NTNG1: variants seen among roughly 807,000 people sequenced by gnomAD.
The protein encoded by NTNG1 is netrin G1, also known as netrin-G1.
In NTNG1, 16 loss-of-function variants were observed where a neutral mutation model predicts 54.0. That is an observed-to-expected ratio of 0.30 (90% CI 0.20 to 0.45). NTNG1 has a LOEUF of 0.45. Among genes scored for constraint, NTNG1 ranks in the 20% least tolerant of loss-of-function variants. The pLI is 1.00. For missense variants in NTNG1, 530 were observed against 678.7 expected, an observed-to-expected ratio of 0.78 and a Z score of 2.43; for synonymous variants, 255 against 263.1, an observed-to-expected ratio of 0.97 and a Z score of 0.30.
At chr1:107,321,388 G>A (rs1023120313) in intron 2 of NTNG1, among the ~76,000 whole-genome samples, 16 of 152,062 alleles carry the variant, frequency 1.1e-4, no homozygotes, top group Non-Finnish European at 1.5e-4. Context: ...TGATACAAAT[G>A]TAGACATTTG....
intron 6 of NTNG1, among the ~76,000 whole-genome samples, chr1:107,435,735 A>G (rs1213359568): frequency 6.6e-6 from 1 of 152,180 alleles, no homozygotes; most frequent in African/African-American, 2.4e-5. Flanking sequence ...TAAATAATGG[A>G]AACTGAGAGG....
chr1:107,471,221 T>TC (rs1677957487), intron 7 of NTNG1, among the ~76,000 whole-genome samples: 1 of 152,184 alleles, frequency 6.6e-6, no homozygotes, highest in Non-Finnish European at 1.5e-5. Flanking sequence ...GCCAACAGCT[T>TC]CCACATTGTT....
intron 3 of NTNG1, among the ~76,000 whole-genome samples, chr1:107,364,088 T>C (rs145002831): frequency 1.1e-4 from 17 of 152,202 alleles, no homozygotes; most frequent in Non-Finnish European, 2.2e-4. Context: ...CTTATTTTAT[T>C]GAAAATATGT....
intron 3 of NTNG1, among the ~76,000 whole-genome samples, chr1:107,326,671 A>G (rs1667972829): frequency 6.6e-6 from 1 of 152,052 alleles, no homozygotes; most frequent in East Asian, 1.9e-4. Context: ...CATCTAGGTC[A>G]ATTTCCTTGC....
chr1:107,206,506 T>C (rs1441671913), intron 2 of NTNG1, among the ~76,000 whole-genome samples: 2 of 152,156 alleles, frequency 1.3e-5, no homozygotes, highest in Non-Finnish European at 2.9e-5. Context: ...GCAGGGTTCT[T>C]ATCATTACCT....
intron 2 of NTNG1, among the ~76,000 whole-genome samples, chr1:107,242,314 A>G (rs1661889774): frequency 1.3e-5 from 2 of 152,182 alleles, no homozygotes; most frequent in South Asian, 2.1e-4. Flanking sequence ...AAAAAAAAGA[A>G]TATGTTTGAT....
chr1:107,371,176 G>T (rs1670901051), intron 3 of NTNG1, among the ~76,000 whole-genome samples: 1 of 152,012 alleles, frequency 6.6e-6, no homozygotes, highest in African/African-American at 2.4e-5. Flanking sequence ...AGAAATGGAT[G>T]TTGAGTTTTG....
At chr1:107,177,593 A>T (rs1403949097) in intron 2 of NTNG1, among the ~76,000 whole-genome samples, 1 of 152,122 alleles carries the variant, frequency 6.6e-6, no homozygotes, top group Non-Finnish European at 1.5e-5. Flanking sequence ...TCAGCCTCCC[A>T]AAGTGCTGGG....
intron 2 of NTNG1, among the ~76,000 whole-genome samples, chr1:107,304,710 C>G (rs1347223476): frequency 6.6e-6 from 1 of 151,640 alleles, no homozygotes; most frequent in Non-Finnish European, 1.5e-5. Context: ...CCATGAAAAA[C>G]ACAAGGCTCA....
chr1:107,151,413 T>G (rs552017176), intron 2 of NTNG1, among the ~76,000 whole-genome samples: 1 of 152,138 alleles, frequency 6.6e-6, no homozygotes, highest in Non-Finnish European at 1.5e-5. Flanking sequence ...GACTTATGCG[T>G]TCTCCCCTCC....
intron 3 of NTNG1, among the ~76,000 whole-genome samples, chr1:107,380,094 G>T (rs1671551380): frequency 6.6e-6 from 1 of 152,240 alleles, no homozygotes; most frequent in Admixed American, 6.5e-5. Flanking sequence ...TGGGAGAACT[G>T]TCTGCAGTGA....
chr1:107,240,162 A>T (rs191997548), intron 2 of NTNG1, among the ~76,000 whole-genome samples: 46 of 152,214 alleles, frequency 3.0e-4, no homozygotes, highest in African/African-American at 8.7e-4. Context: ...GCTTTTTTTT[A>T]AAAAAATGTT....
Position 107,150,467 on chromosome 1 carries a change from T to A in NTNG1, c.246+1628T>A, listed in dbSNP as rs543839382. On this transcript the variant is annotated intron_variant, in intron 2 of 7. Transcript: ENST00000370068. ...GTCTTCTACGCCTTATAGCAGAGGA[T>A]GAGTTCCAGGCCAAGTCTGCATATT... 7.9e-5 allele frequency among the ~76,000 whole-genome samples: 12 copies of A among 152,332 alleles called. No homozygotes were observed. In the South Asian group the frequency reaches 2.5e-3, roughly 32 times the overall value.
intron 7 of NTNG1, among the ~76,000 whole-genome samples, chr1:107,441,717 T>A: frequency 6.6e-6 from 1 of 152,088 alleles, no homozygotes; most frequent in East Asian, 1.9e-4. Flanking sequence ...TAGACATCTT[T>A]GAGAACACAT....
At chr1:107,177,447 G>A (rs1656728397) in intron 2 of NTNG1, among the ~76,000 whole-genome samples, 1 of 151,728 alleles carries the variant, frequency 6.6e-6, no homozygotes, top group Non-Finnish European at 1.5e-5. Flanking sequence ...CAATTCTCTT[G>A]CCTCAGCCTC....
At chr1:107,376,041 A>T (rs537181612) in intron 3 of NTNG1, among the ~76,000 whole-genome samples, 4 of 152,212 alleles carry the variant, frequency 2.6e-5, no homozygotes, top group Admixed American at 6.5e-5. Flanking sequence ...ATTTGCCAAC[A>T]TTTATTGAGC....
At chr1:107,202,626 C>T (rs1658844569) in intron 2 of NTNG1, among the ~76,000 whole-genome samples, 1 of 151,570 alleles carries the variant, frequency 6.6e-6, no homozygotes, top group East Asian at 1.9e-4. Flanking sequence ...AATTTTAGTC[C>T]ACTGTTTTAT....
intron 2 of NTNG1, among the ~76,000 whole-genome samples, chr1:107,233,002 T>G (rs1395289670): frequency 6.6e-6 from 1 of 152,230 alleles, no homozygotes; most frequent in Non-Finnish European, 1.5e-5. Flanking sequence ...GTAATTTTTA[T>G]TAGCTTTTTA....
At chr1:107,198,812 C>T (rs958064233) in intron 2 of NTNG1, among the ~76,000 whole-genome samples, 10 of 151,776 alleles carry the variant, frequency 6.6e-5, no homozygotes, top group Non-Finnish European at 1.3e-4. Context: ...TGATATCACA[C>T]GCAGGCTTTC....
Sources: gnomAD v4.1 joint callset for allele counts (sites outside exome capture counted in the v4.1 genomes callset) on GRCh38, gnomAD v4.1.1 for gene constraint, MANE v1.5 for transcripts, NCBI Gene and HGNC (gene_info 2026-07-23, HGNC 2026-07-21) for gene names.